LAMA4: variants seen among roughly 807,000 people sequenced by gnomAD.
The protein encoded by LAMA4 is laminin subunit alpha 4, also known as laminin subunit alpha-4.
In LAMA4, 127 loss-of-function variants were observed where a neutral mutation model predicts 207.1. The ratio of observed to expected loss-of-function variants is 0.61; its 90% CI spans 0.53 to 0.71. The LOEUF is 0.71. Among genes scored for constraint, LAMA4 ranks in the 30% least tolerant of loss-of-function variants. The probability of loss-of-function intolerance (pLI) is 0.00; values close to 1 mark genes in which losing one functional copy is unlikely to be tolerated. For synonymous variants in LAMA4, 761 were observed against 816.0 expected (o/e 0.93, Z 1.15); for missense variants, 2,093 against 2,246.5 (o/e 0.93, Z 1.38).
intron 3 of LAMA4, chr6:112,214,157 A>G: frequency 2.0e-6 from 1 of 512,068 alleles, no homozygotes; most frequent in Non-Finnish European, 3.6e-6. Flanking sequence ...CAACTAAGTG[A>G]AATAAAAAAT....
At chr6:112,163,986 G>A (rs1054894543) in intron 13 of LAMA4, 2 of 152,262 alleles carry the variant, frequency 1.3e-5, no homozygotes, top group Non-Finnish European at 2.9e-5. Flanking sequence ...GCGGGCCGGC[G>A]GATCTGGGGA....
chr6:112,150,322 G>C, intron 17 of LAMA4, 189 bp downstream of exon 17: 1 of 639,942 alleles, frequency 1.6e-6, no homozygotes, highest in East Asian at 2.8e-5. Flanking sequence ...TGTGATTACA[G>C]CATTTATATT....
At chr6:112,168,072 C>T (rs1342280374) in intron 12 of LAMA4, among the ~76,000 whole-genome samples, 2 of 151,836 alleles carry the variant, frequency 1.3e-5, no homozygotes, top group Non-Finnish European at 2.9e-5. Flanking sequence ...GTGGCGGGTG[C>T]CTGTAGTCCC....
At chr6:112,187,040 A>G (rs1782726758) in intron 8 of LAMA4, among the ~76,000 whole-genome samples, 1 of 152,186 alleles carries the variant, frequency 6.6e-6, no homozygotes. Context: ...AAGAAGAAGG[A>G]TGCTTCTAGA....
intron 19 of LAMA4, among the ~76,000 whole-genome samples, chr6:112,144,304 G>A (rs1054116459): frequency 6.6e-6 from 1 of 152,188 alleles, no homozygotes; most frequent in East Asian, 1.9e-4. Context: ...TAACCCTGCG[G>A]GTGGTCAGTA....
rs529950556 is a variant in LAMA4 at position 112,133,539 on chromosome 6, T to G, written c.3558-52A>C. The stretch of plus-strand genomic sequence containing the variant: ...TACAGCCATGATGATGATGTTACCC[T>G]GCATATGTAGGCTATGGAATTTGCA... On this transcript the variant is annotated intron_variant, in intron 26 of 38. Coordinates refer to ENST00000230538, the MANE Select transcript of LAMA4 (RefSeq NM_001105206.3). 5 of 1,605,156 alleles carry G rather than the reference T, an allele frequency of 3.1e-6. No homozygotes were observed. In the Admixed American group the frequency reaches 8.3e-5, roughly 27 times the overall value.
At chr6:112,249,828 C>A (rs1315254175) in intron 2 of LAMA4, among the ~76,000 whole-genome samples, 1 of 152,160 alleles carries the variant, frequency 6.6e-6, no homozygotes, top group African/African-American at 2.4e-5. Context: ...GTTTTTGAAG[C>A]CTATTTTGGT....
intron 5 of LAMA4, among the ~76,000 whole-genome samples, chr6:112,198,555 A>G (rs967815671): frequency 1.3e-5 from 2 of 152,198 alleles, no homozygotes; most frequent in African/African-American, 2.4e-5. Flanking sequence ...TTTGGAAGAC[A>G]TAGCTCTTCT....
Position 112,241,194 on chromosome 6 carries a change from T to TATATATGA in LAMA4, c.195+12754_195+12761dup, listed in dbSNP as rs1786475253. Among the ~76,000 whole-genome samples the TATATATGA allele has an allele frequency of 2.2e-5, 3 of 138,370 alleles. No individual in the cohort carries two copies. In the South Asian group the frequency reaches 6.7e-4, roughly 31 times the overall value. 90.8% of individuals were successfully genotyped at this position (138,370 alleles called of 152,430 possible). A position where few individuals can be genotyped will look rare whatever the true frequency, so the allele number is the denominator to read the frequency against. ...ATGAATATATATGAATATATATGAA[T>TATATATGA]ATATATGATATATATGAATGTATAT... On this transcript the variant is annotated intron_variant, in intron 2 of 38. Transcript: ENST00000230538.
At chr6:112,183,964 A>G (rs181506995) in intron 9 of LAMA4, among the ~76,000 whole-genome samples, 44 of 151,624 alleles carry the variant, frequency 2.9e-4, no homozygotes, top group African/African-American at 1.0e-3. Flanking sequence ...AAAAAAAAAA[A>G]AAAAAGAAAA....
At chr6:112,249,688 AC>A (rs1163630656) in intron 2 of LAMA4, among the ~76,000 whole-genome samples, 1 of 152,192 alleles carries the variant, frequency 6.6e-6, no homozygotes, top group Non-Finnish European at 1.5e-5. Context: ...CATGAAAGTT[AC>A]TGGAAATTAC....
chr6:112,180,051 CA>C (rs1782263004), intron 9 of LAMA4: 1 of 391,062 alleles, frequency 2.6e-6, no homozygotes, highest in Non-Finnish European at 5.1e-6. Flanking sequence ...AATACGGACA[CA>C]AGCATTTAAA....
chr6:112,215,764 G>C (rs1784590238), intron 3 of LAMA4, among the ~76,000 whole-genome samples: 1 of 152,094 alleles, frequency 6.6e-6, no homozygotes, highest in South Asian at 2.1e-4. Flanking sequence ...TTCGCACAAG[G>C]CTCTATCATG....
At position 112,132,685 on chromosome 6, in the gene LAMA4, A is replaced by G. The variant is rs1490516269; in HGVS notation, c.3834+68T>C. On this transcript the variant is annotated intron_variant, in intron 28 of 38. Transcript: ENST00000230538. ...TAGAAAATCACTTCTAACATGCATT[A>G]CAAATTATTTTTAATAGGCAAAACA... 4 of 1,472,090 alleles carry G rather than the reference A, an allele frequency of 2.7e-6. No individual in the cohort carries two copies. In the African/African-American group the frequency reaches 4.2e-5, roughly 15 times the overall value. 91.2% of individuals were successfully genotyped at this position (1,472,090 alleles called of 1,614,324 possible).
In LAMA4 at chr6:112,114,117, G is replaced by A; in HGVS notation, c.5285C>T (p.Pro1762Leu). Residue 1762 changes from proline to leucine, a missense_variant, in exon 38 of 39, where the codon CCA becomes CTA. This residue lies in a region of LAMA4 where 383 missense variants were observed against 437.8 expected (regional missense o/e 0.87). Coordinates refer to ENST00000230538, the MANE Select transcript of LAMA4 (RefSeq NM_001105206.3). Reference sequence around the variant, plus strand: ...AAACACAGGCTCCCTGTGATCAATTGGTTTTGGATTCAGGGGTCCAACCAC... The same window carrying A: ...AAACACAGGCTCCCTGTGATCAATTAGTTTTGGATTCAGGGGTCCAACCAC... The part of the protein sequence containing the change: ...NHVVGPLNPK[P>L]IDHREPVFVG... The A allele has an allele frequency of 6.2e-7, 1 of 1,613,900 alleles. No homozygotes were observed. The highest frequency in any genetic ancestry group is 1.7e-5 in the Admixed American group (1 of 59,984).
intron 5 of LAMA4, among the ~76,000 whole-genome samples, chr6:112,195,313 C>T (rs1783349873): frequency 6.6e-6 from 1 of 152,102 alleles, no homozygotes; most frequent in Non-Finnish European, 1.5e-5. Context: ...AGAAATAAGG[C>T]TAGGAAAACG....
At position 112,185,318 on chromosome 6, in the gene LAMA4, G is replaced by A. The variant is rs188272639; in HGVS notation, c.996C>T (p.Tyr332=). The A allele has an allele frequency of 3.2e-5, 52 of 1,612,402 alleles. No homozygotes were observed. The highest frequency in any genetic ancestry group is 1.3e-4 in the East Asian group (6 of 44,872). The part of the protein sequence containing the change: ...KTKLSERENQ[Y]ALRKIQINNA... ...TGTTGATTTGTATCTTTCTTAGGGC[G>A]TATTGGTTTTCTCTTTCTGACAATT... Residue 332 remains tyrosine (Y), a synonymous_variant, in exon 9 of 39, where the codon TAC becomes TAT. Coordinates refer to ENST00000230538, the MANE Select transcript of LAMA4 (RefSeq NM_001105206.3).
intron 17 of LAMA4, among the ~76,000 whole-genome samples, chr6:112,149,680 C>T (rs546315195): frequency 6.6e-6 from 1 of 152,282 alleles, no homozygotes; most frequent in South Asian, 2.1e-4. Context: ...GCTATTTCTT[C>T]ATAGCAGCGT....
Position 112,191,694 on chromosome 6 carries a change from C to T in LAMA4, c.660G>A (p.Lys220=). 1 of 1,614,136 alleles carries T rather than the reference C, an allele frequency of 6.2e-7. No homozygotes were observed. The highest frequency in any genetic ancestry group is 8.5e-7 in the Non-Finnish European group (1 of 1,180,004). ...AGTAGCCAGGAGCGCAACGTTCACACTTGAATCCGGTGGTGTTGCGTAAGC... is the reference window on the plus strand; with the variant it reads ...AGTAGCCAGGAGCGCAACGTTCACATTTGAATCCGGTGGTGTTGCGTAAGC... ...RNCLRNTTGF[K]CERCAPGYYG... Residue 220 remains lysine (K), a synonymous_variant, in exon 6 of 39, where the codon AAG becomes AAA. Coordinates refer to ENST00000230538, the MANE Select transcript of LAMA4 (RefSeq NM_001105206.3).
Sources: gnomAD v4.1 joint callset for allele counts (sites outside exome capture counted in the v4.1 genomes callset) on GRCh38, gnomAD v4.1.1 for gene constraint, gnomAD v4.1.1 regional missense constraint, MANE v1.5 for transcripts, NCBI Gene and HGNC (gene_info 2026-07-23, HGNC 2026-07-21) for gene names.